PDE12: variants seen among roughly 807,000 people sequenced by gnomAD.
PDE12 encodes the protein 2',5'-phosphodiesterase 12.
A neutral mutation model predicts 45.4 loss-of-function variants in PDE12; 26 were observed. The ratio of observed to expected loss-of-function variants is 0.57; its 90% CI spans 0.42 to 0.79. The LOEUF (loss-of-function observed/expected upper bound fraction) is 0.79, where lower values mean the gene tolerates loss of function less well. PDE12 is among the 30% of genes least tolerant of loss of function. The pLI is 0.00. For synonymous variants in PDE12, 283 were observed against 323.9 expected (o/e 0.87, Z 1.36); for missense variants, 668 against 790.0 (o/e 0.85, Z 1.85).
At chr3:57,610,443 T>C in the PDE12 span, among the ~76,000 whole-genome samples, 1 of 152,132 alleles carries the variant, frequency 6.6e-6, no homozygotes, top group Non-Finnish European at 1.5e-5. Context: ...GGAAGTCAAA[T>C]TGTCCCTGTT....
chr3:57,569,829 C>CAAAAA (rs11310053), downstream of PDE12, among the ~76,000 whole-genome samples: 4 of 67,878 alleles, frequency 5.9e-5, no homozygotes, highest in African/African-American at 1.2e-4. Context: ...AAAACCATCT[C>CAAAAA]AAAAAAAAAA....
the PDE12 span, among the ~76,000 whole-genome samples, chr3:57,638,583 G>A: frequency 3.3e-5 from 5 of 151,776 alleles, no homozygotes; most frequent in African/African-American, 4.8e-5. Flanking sequence ...GCTTGAACCC[G>A]GGAGGTGGAG....
chr3:57,613,517 C>T, the PDE12 span, among the ~76,000 whole-genome samples: 1 of 151,652 alleles, frequency 6.6e-6, no homozygotes, highest in Non-Finnish European at 1.5e-5. Context: ...TGGTCTGGAA[C>T]TCCTGACCTT....
downstream of PDE12, among the ~76,000 whole-genome samples, chr3:57,569,422 G>C (rs1367659211): frequency 6.6e-6 from 1 of 152,056 alleles, no homozygotes; most frequent in Non-Finnish European, 1.5e-5. Context: ...GTGCGGTCTT[G>C]GCTCACCACA....
At chr3:57,614,985 T>G in the PDE12 span, among the ~76,000 whole-genome samples, 1 of 148,568 alleles carries the variant, frequency 6.7e-6, no homozygotes, top group Non-Finnish European at 1.5e-5. Context: ...AAAGTGGGAC[T>G]GTGTCTCAAA....
At chr3:57,602,953 A>T in the PDE12 span, among the ~76,000 whole-genome samples, 23 of 151,528 alleles carry the variant, frequency 1.5e-4, no homozygotes, top group South Asian at 4.8e-3. Flanking sequence ...TGGGAGGCCA[A>T]GGTGGGAGTT....
chr3:57,644,116 C>G, the PDE12 span, among the ~76,000 whole-genome samples: 2 of 149,878 alleles, frequency 1.3e-5, no homozygotes, highest in African/African-American at 4.9e-5. Flanking sequence ...CGCCATTGCA[C>G]TCCCTCCTGG....
At chr3:57,577,466 A>C in the PDE12 span, 7 of 1,096,294 alleles carry the variant, frequency 6.4e-6, no homozygotes, top group Admixed American at 1.3e-4. Context: ...GCAAAATGGT[A>C]CCAATGGTTA....
chr3:57,629,507 CTTTTTT>C, the PDE12 span, among the ~76,000 whole-genome samples: 1 of 98,228 alleles, frequency 1.0e-5, no homozygotes, highest in Non-Finnish European at 2.0e-5. Flanking sequence ...AATCAGTCCG[CTTTTTT>C]TTTTTTTTTT....
chr3:57,570,219 G>GTTTTTTTTTTTTTTTTTTTTTTTT (rs34599005), downstream of PDE12, among the ~76,000 whole-genome samples: 2 of 102,314 alleles, frequency 2.0e-5, no homozygotes, highest in African/African-American at 3.9e-5. Context: ...TTAATCCAGT[G>GTTTTTTTTTTTTTTTTTTTTTTTT]TTTTTTTTTT....
In PDE12 at chr3:57,560,651, T is replaced by G. The variant is rs1575773532; in HGVS notation, c.*647T>G. 1 of 985,210 alleles carries G rather than the reference T, an allele frequency of 1.0e-6. No individual in the cohort carries two copies. The highest frequency in any genetic ancestry group is 1.7e-5 in the African/African-American group (1 of 57,226). 61.0% of individuals were successfully genotyped at this position (985,210 alleles called of 1,614,324 possible). ...CTTGTGTACATTTTTATAAGAGAAT[T>G]TTTTTAGCTAGGAGTTCAGAATTTT... On this transcript the variant is annotated 3_prime_UTR_variant, in exon 3 of 3. Transcript: ENST00000311180.
chr3:57,622,973 G>A, the PDE12 span, among the ~76,000 whole-genome samples: 1 of 152,146 alleles, frequency 6.6e-6, no homozygotes, highest in African/African-American at 2.4e-5. Flanking sequence ...AGGAAATTTT[G>A]GGGGTGATGA....
In PDE12 at chr3:57,562,196, A is replaced by C. The variant is rs1276801445; in HGVS notation, c.*2192A>C. The C allele has an allele frequency of 1.3e-6, 1 of 780,072 alleles. No individual in the cohort carries two copies. The highest frequency in any genetic ancestry group is 1.6e-6 in the Non-Finnish European group (1 of 642,934). The allele number at this position is 780,072 out of a possible 1,614,324, so 48.3% of individuals were successfully genotyped here. On this transcript the variant is annotated 3_prime_UTR_variant, in exon 3 of 3. Coordinates refer to ENST00000311180, the MANE Select transcript of PDE12 (RefSeq NM_177966.7). ...TGAAAGAAAAAATTCGAACATGCCCATGAAAAAAGCATACAGCTTCCACAT... is the reference window on the plus strand; with the variant it reads ...TGAAAGAAAAAATTCGAACATGCCCCTGAAAAAAGCATACAGCTTCCACAT...
rs775655266 is a variant in PDE12, at chr3:57,557,334, C to A, written c.955C>A (p.Pro319Thr). 1 of 1,613,840 alleles carries A rather than the reference C, an allele frequency of 6.2e-7. No homozygotes were observed. Among genetic ancestry groups the A allele is most frequent in the Non-Finnish European group, 8.5e-7 (1 of 1,180,020 alleles). ...TGAGTTCTCGCGAACGGTTCTGTAC[C>A]CATACTGTGCCCCCTACGCCCTGGA... ...QTEFSRTVLY[P>T]YCAPYALELD... The change falls in exon 1 of 3, where the codon CCA becomes ACA. Residue 319 changes from proline (P) to threonine (T), a missense_variant. By Grantham distance (38) the Pro-to-Thr change is conservative. Transcript: ENST00000311180.
the PDE12 span, among the ~76,000 whole-genome samples, chr3:57,630,053 G>A: frequency 6.6e-6 from 1 of 152,262 alleles, no homozygotes; most frequent in Admixed American, 6.5e-5. Flanking sequence ...TGAGGTTACT[G>A]AATACAGAGC....
At chr3:57,618,627 T>TTTGG in the PDE12 span, among the ~76,000 whole-genome samples, 9 of 136,910 alleles carry the variant, frequency 6.6e-5, no homozygotes, top group East Asian at 1.9e-3. Flanking sequence ...TTTTTTTTTT[T>TTTGG]GAGATGGAGT....
At chr3:57,626,041 A>G in the PDE12 span, 3 of 152,786 alleles carry the variant, frequency 2.0e-5, no homozygotes, top group South Asian at 6.2e-4. Context: ...GGTTTCCCAG[A>G]AAGTTATGAA....
At chr3:57,596,895 G>T in the PDE12 span, 10 of 622,748 alleles carry the variant, frequency 1.6e-5, no homozygotes, top group South Asian at 3.9e-5. Flanking sequence ...CAGATCGGGG[G>T]CGGGGGGGAT....
Position 57,561,244 on chromosome 3 carries a change from G to T in PDE12, c.*1240G>T. On this transcript the variant is annotated 3_prime_UTR_variant, in exon 3 of 3. Transcript: ENST00000311180. ...TTATGAGAAACTACCTACTGATATG[G>T]GCTTGAAATTTTGGATGAATCATTG... 1.0e-6 allele frequency: 1 copy of T among 985,346 alleles called. No individual in the cohort carries two copies. The highest frequency in any genetic ancestry group is 1.2e-6 in the Non-Finnish European group (1 of 829,618). 61.0% of individuals were successfully genotyped at this position (985,346 alleles called of 1,614,324 possible). A position where few individuals can be genotyped will look rare whatever the true frequency, so the allele number is the denominator to read the frequency against.
Sources: allele counts gnomAD v4.1 joint callset (sites outside exome capture counted in the v4.1 genomes callset), GRCh38; gene constraint gnomAD v4.1.1; transcripts MANE v1.5; gene names NCBI Gene and HGNC (gene_info 2026-07-23, HGNC 2026-07-21).